Variants in FMN1 observed in about 807,000 individuals in gnomAD.
The protein encoded by FMN1 is formin-1.
In FMN1, 110 loss-of-function variants were observed where a neutral mutation model predicts 132.4. That is an observed-to-expected ratio of 0.83 (90% CI 0.71 to 0.97). The LOEUF is 0.97. FMN1 is among the 50% of genes least tolerant of loss of function. The probability of loss-of-function intolerance (pLI) is 0.00; values close to 1 mark genes in which losing one functional copy is unlikely to be tolerated. For synonymous variants in FMN1, 722 were observed against 651.7 expected (o/e 1.11, Z -1.64); for missense variants, 1,792 against 1,705.3 (o/e 1.05, Z -0.90).
At chr15:32,914,881 C>T (rs12904870) in intron 10 of FMN1, among the ~76,000 whole-genome samples, 62,871 of 151,970 alleles carry the variant, frequency 0.41, 13,394 homozygotes, top group African/African-American at 0.52. Flanking sequence ...TGATCTGTCC[C>T]CCAGGGACTG....
intron 17 of FMN1, among the ~76,000 whole-genome samples, chr15:32,824,594 C>T (rs1263961999): frequency 6.6e-6 from 1 of 152,066 alleles, no homozygotes; most frequent in Non-Finnish European, 1.5e-5. Flanking sequence ...GCTCTCTAGA[C>T]TCTTTTCTAT....
rs564919768 is a variant in FMN1 at position 33,024,437 on chromosome 15, G to A, written c.2162-16362C>T. Among the ~76,000 whole-genome samples the A allele has an allele frequency of 1.9e-3, 286 of 151,850 alleles. 2 individuals carry two copies. Among genetic ancestry groups the A allele is most frequent in the African/African-American group, 6.6e-3 (272 of 41,422 alleles). Reference sequence around the variant, plus strand: ...AATTTTTTGTATTTTTAGTAGAGACGGGGTTTCACCGTGTTAGCCAGGATG... The same window carrying A: ...AATTTTTTGTATTTTTAGTAGAGACAGGGTTTCACCGTGTTAGCCAGGATG... On this transcript the variant is annotated intron_variant, in intron 6 of 20. Coordinates refer to ENST00000616417, the MANE Select transcript of FMN1 (RefSeq NM_001277313.2).
intron 4 of FMN1, among the ~76,000 whole-genome samples, chr15:33,124,644 CTG>C (rs985851132): frequency 2.6e-5 from 4 of 152,146 alleles, no homozygotes; most frequent in Non-Finnish European, 5.9e-5. Context: ...ATCTAATAAT[CTG>C]TGTTCTTTTC....
intron 16 of FMN1, among the ~76,000 whole-genome samples, chr15:32,866,240 A>G (rs899862821): frequency 2.0e-5 from 3 of 151,878 alleles, no homozygotes; most frequent in Non-Finnish European, 4.4e-5. Context: ...AAAAAAAGAA[A>G]AAAGAAAAAA....
intron 6 of FMN1, among the ~76,000 whole-genome samples, chr15:33,026,280 A>C (rs919075614): frequency 6.6e-6 from 1 of 152,156 alleles, no homozygotes; most frequent in African/African-American, 2.4e-5. Flanking sequence ...GGTTTTAAAA[A>C]TCTAAAGAAA....
At chr15:32,950,979 C>CT (rs66657218) in intron 9 of FMN1, among the ~76,000 whole-genome samples, 101 of 147,096 alleles carry the variant, frequency 6.9e-4, no homozygotes, top group South Asian at 2.2e-3. Flanking sequence ...AGAACTTTTG[C>CT]TTTTTTTTTT....
At chr15:32,891,853 T>C (rs1405229865) in intron 15 of FMN1, among the ~76,000 whole-genome samples, 1 of 152,190 alleles carries the variant, frequency 6.6e-6, no homozygotes, top group African/African-American at 2.4e-5. Context: ...TTTGATTCTC[T>C]GCTTGGTCAC....
At chr15:32,978,237 T>TC in intron 7 of FMN1, among the ~76,000 whole-genome samples, 1 of 152,266 alleles carries the variant, frequency 6.6e-6, no homozygotes, top group Non-Finnish European at 1.5e-5. Context: ...CCATGGATAG[T>TC]CATCCAAGGA....
At chr15:32,947,577 T>C (rs2061536148) in intron 9 of FMN1, among the ~76,000 whole-genome samples, 1 of 152,082 alleles carries the variant, frequency 6.6e-6, no homozygotes, top group Non-Finnish European at 1.5e-5. Flanking sequence ...TTGATTGAAA[T>C]GACTTTGAAA....
intron 17 of FMN1, among the ~76,000 whole-genome samples, chr15:32,812,662 CAA>C (rs766114630): frequency 1.3e-5 from 2 of 152,164 alleles, no homozygotes; most frequent in Non-Finnish European, 2.9e-5. Context: ...TGTCAGTGCT[CAA>C]AAAGTTTCAG....
At chr15:32,799,972 GT>G (rs538272013) in intron 18 of FMN1, among the ~76,000 whole-genome samples, 73 of 149,296 alleles carry the variant, frequency 4.9e-4, no homozygotes, top group African/African-American at 1.7e-3. Context: ...AGACACAGTG[GT>G]TTTTTTTTTG....
At chr15:33,067,951 A>T in intron 5 of FMN1, 1 of 1,524,356 alleles carries the variant, frequency 6.6e-7, no homozygotes, top group Non-Finnish European at 8.7e-7. Context: ...CAGTTTATCC[A>T]CTCCATCTGC....
chr15:33,001,835 T>C (rs905136701), intron 7 of FMN1, among the ~76,000 whole-genome samples: 1 of 151,956 alleles, frequency 6.6e-6, no homozygotes, highest in Non-Finnish European at 1.5e-5. Context: ...AGCAGCCTTG[T>C]GCCCTTTCCA....
intron 7 of FMN1, among the ~76,000 whole-genome samples, chr15:32,989,399 T>C (rs927906925): frequency 6.6e-6 from 1 of 152,166 alleles, no homozygotes; most frequent in African/African-American, 2.4e-5. Context: ...GAGGAACCCT[T>C]GCAGGGCACA....
At chr15:33,037,485 G>T (rs1481519275) in intron 6 of FMN1, among the ~76,000 whole-genome samples, 4 of 152,204 alleles carry the variant, frequency 2.6e-5, no homozygotes, top group Non-Finnish European at 2.9e-5. Flanking sequence ...GAAGGGAGTT[G>T]TTGGAGCAGG....
intron 4 of FMN1, among the ~76,000 whole-genome samples, chr15:33,116,472 C>T (rs1406808116): frequency 6.6e-6 from 1 of 152,160 alleles, no homozygotes; most frequent in South Asian, 2.1e-4. Flanking sequence ...TGTTATCCGA[C>T]CATGCGGCAG....
At chr15:33,155,254 A>C (rs1337731300) in intron 3 of FMN1, among the ~76,000 whole-genome samples, 2 of 152,140 alleles carry the variant, frequency 1.3e-5, no homozygotes, top group Non-Finnish European at 2.9e-5. Context: ...GAGAGATGGG[A>C]AAGTCCTCTC....
At chr15:33,126,185 G>A (rs112522610) in intron 4 of FMN1, among the ~76,000 whole-genome samples, 1 of 152,090 alleles carries the variant, frequency 6.6e-6, no homozygotes, top group African/African-American at 2.4e-5. Flanking sequence ...CCTCATTAGA[G>A]ACATGGTGTG....
chr15:33,150,874 A>G (rs1236904493), intron 4 of FMN1: 3 of 992,678 alleles, frequency 3.0e-6, no homozygotes, highest in Non-Finnish European at 3.6e-6. Context: ...GGGTTCAGAT[A>G]AAGGGACACT....
Sources: gnomAD v4.1 joint callset for allele counts (sites outside exome capture counted in the v4.1 genomes callset) on GRCh38, gnomAD v4.1.1 for gene constraint, MANE v1.5 for transcripts, NCBI Gene and HGNC (gene_info 2026-07-23, HGNC 2026-07-21) for gene names.